NBAS: variants seen among roughly 807,000 people sequenced by gnomAD.
NBAS encodes NAG/BC035112 fusion.
NBAS carries 219 observed loss-of-function variants against 302.5 expected under a neutral mutation model. The ratio of observed to expected loss-of-function variants is 0.72; its 90% CI spans 0.65 to 0.81. The LOEUF is 0.81. NBAS is among the 30% of genes least tolerant of loss of function. NBAS has a pLI of 0.00. For synonymous variants in NBAS, 1,118 were observed against 1,021.6 expected, an observed-to-expected ratio of 1.09 and a Z score of -1.80; for missense variants, 2,932 against 2,841.6, an observed-to-expected ratio of 1.03 and a Z score of -0.72.
chr2:15,087,450 C>T, the NBAS span, among the ~76,000 whole-genome samples: 1 of 152,186 alleles, frequency 6.6e-6, no homozygotes, highest in Admixed American at 6.5e-5. Flanking sequence ...CTTGGTCTGT[C>T]CTTCATCCCT....
rs10174571 is a variant in NBAS, at chr2:15,539,954, G to T, written c.380-598C>A. On this transcript the variant is annotated intron_variant, in intron 6 of 51. Transcript: ENST00000281513. ...GTCAATCACACAATTTCAAGATTTT[G>T]ATAATCAACAACTTAATAATTCTAA... Among the ~76,000 whole-genome samples the T allele has an allele frequency of 3.6e-3, 547 of 152,040 alleles. 3 individuals carry two copies. Among genetic ancestry groups the T allele is most frequent in the African/African-American group, 0.011 (474 of 41,478 alleles).
At chr2:15,403,225 A>G (rs1676239063) in intron 25 of NBAS, among the ~76,000 whole-genome samples, 3 of 152,204 alleles carry the variant, frequency 2.0e-5, no homozygotes, top group South Asian at 2.1e-4. Context: ...GATGGAGAGA[A>G]GCTACCAAAC....
the NBAS span, among the ~76,000 whole-genome samples, chr2:14,818,129 A>T: frequency 6.6e-6 from 1 of 152,098 alleles, no homozygotes; most frequent in African/African-American, 2.4e-5. Flanking sequence ...GTTTGGGAGT[A>T]TCTCAAATCT....
At chr2:14,971,949 CAGTACATAAA>C in the NBAS span, among the ~76,000 whole-genome samples, 1 of 152,092 alleles carries the variant, frequency 6.6e-6, no homozygotes, top group South Asian at 2.1e-4. Context: ...CTATAGTCAC[CAGTACATAAA>C]ATGATGCCAG....
chr2:15,540,745 T>C (rs996844010), intron 6 of NBAS, among the ~76,000 whole-genome samples: 13 of 151,174 alleles, frequency 8.6e-5, no homozygotes, highest in African/African-American at 2.7e-4. Flanking sequence ...TTTTTTGAGA[T>C]AGAGTCTCAC....
At chr2:14,830,357 CA>C in the NBAS span, among the ~76,000 whole-genome samples, 1 of 152,138 alleles carries the variant, frequency 6.6e-6, no homozygotes, top group African/African-American at 2.4e-5. Context: ...TACACTTAAA[CA>C]GATCAGGGAT....
the NBAS span, among the ~76,000 whole-genome samples, chr2:14,970,130 G>T: frequency 1.3e-5 from 2 of 152,080 alleles, no homozygotes; most frequent in African/African-American, 4.8e-5. Context: ...AGAAAAATCA[G>T]TACTTCAGGC....
chr2:15,487,698 T>G (rs1680690791), intron 12 of NBAS, among the ~76,000 whole-genome samples: 1 of 152,170 alleles, frequency 6.6e-6, no homozygotes, highest in Admixed American at 6.5e-5. Context: ...TTACACAGTT[T>G]TGAGAGTTCA....
At chr2:15,241,471 A>AAT (rs1667864449) in intron 44 of NBAS, among the ~76,000 whole-genome samples, 1 of 152,204 alleles carries the variant, frequency 6.6e-6, no homozygotes, top group South Asian at 2.1e-4. Flanking sequence ...CCATGGAATG[A>AAT]ATATATGGTA....
At chr2:15,019,849 G>A in the NBAS span, among the ~76,000 whole-genome samples, 1 of 147,758 alleles carries the variant, frequency 6.8e-6, no homozygotes, top group South Asian at 2.4e-4. Flanking sequence ...ACACTCAACA[G>A]AAAACGACTC....
At chr2:15,417,940 G>A (rs899367938) in intron 23 of NBAS, among the ~76,000 whole-genome samples, 1 of 151,850 alleles carries the variant, frequency 6.6e-6, no homozygotes, top group African/African-American at 2.4e-5. Flanking sequence ...ATACGGAAGA[G>A]AAAGACAACC....
At chr2:14,999,896 A>T in the NBAS span, among the ~76,000 whole-genome samples, 1 of 152,178 alleles carries the variant, frequency 6.6e-6, no homozygotes. Context: ...TCTCATCTGG[A>T]AAACAGGGCT....
chr2:15,324,815 T>C (rs1671988872), intron 38 of NBAS, among the ~76,000 whole-genome samples: 1 of 152,150 alleles, frequency 6.6e-6, no homozygotes, highest in Non-Finnish European at 1.5e-5. Flanking sequence ...TTTCTCCCAC[T>C]CCCTAAAGCT....
the NBAS span, among the ~76,000 whole-genome samples, chr2:15,062,623 G>A: frequency 2.6e-5 from 4 of 152,112 alleles, no homozygotes; most frequent in Non-Finnish European, 4.4e-5. Context: ...AGAGTGGTGA[G>A]GACAATGGTT....
At chr2:15,146,277 C>T in the NBAS span, among the ~76,000 whole-genome samples, 7 of 152,072 alleles carry the variant, frequency 4.6e-5, no homozygotes, top group Non-Finnish European at 8.8e-5. Flanking sequence ...TGTTTAAAGC[C>T]CTGTTTGGTA....
intron 21 of NBAS, among the ~76,000 whole-genome samples, chr2:15,458,668 C>T (rs927593705): frequency 6.6e-6 from 1 of 152,150 alleles, no homozygotes; most frequent in African/African-American, 2.4e-5. Flanking sequence ...AAACTTTTCT[C>T]TTTATAAATT....
intron 40 of NBAS, among the ~76,000 whole-genome samples, chr2:15,297,131 A>G (rs572268475): frequency 2.0e-5 from 3 of 152,356 alleles, no homozygotes; most frequent in Admixed American, 2.0e-4. Flanking sequence ...TCTGTAGGAC[A>G]GGCATCTCTT....
chr2:15,071,100 G>A, the NBAS span, among the ~76,000 whole-genome samples: 3 of 152,078 alleles, frequency 2.0e-5, no homozygotes, highest in East Asian at 5.8e-4. Context: ...TTCCTATAAT[G>A]TGACATCAAC....
chr2:15,308,454 A>C, intron 39 of NBAS, 101 bp from the exon 40 acceptor site: 1 of 1,444,770 alleles, frequency 6.9e-7, no homozygotes, highest in Non-Finnish European at 9.5e-7. Context: ...TTTTGTACAA[A>C]GTTCCCATTA....
Sources: gnomAD v4.1 joint callset for allele counts (sites outside exome capture counted in the v4.1 genomes callset) on GRCh38, gnomAD v4.1.1 for gene constraint, MANE v1.5 for transcripts, NCBI Gene and HGNC (gene_info 2026-07-23, HGNC 2026-07-21) for gene names.